Variants in GNAI3 observed in about 807,000 individuals in gnomAD.
The protein encoded by GNAI3 is G protein subunit alpha i3.
A neutral mutation model predicts 41.8 loss-of-function variants in GNAI3; 12 were observed. The ratio of observed to expected loss-of-function variants is 0.29; its 90% CI spans 0.18 to 0.47. GNAI3 has a LOEUF of 0.47. Among genes scored for constraint, GNAI3 ranks in the 20% least tolerant of loss-of-function variants. The probability of loss-of-function intolerance (pLI) is 1.00; values close to 1 mark genes in which losing one functional copy is unlikely to be tolerated. For missense variants in GNAI3, 360 were observed against 429.6 expected (o/e 0.84, Z 1.43); for synonymous variants, 132 against 146.5 (o/e 0.90, Z 0.71).
At chr1:109,558,904 C>T (rs1245720339) in intron 1 of GNAI3, among the ~76,000 whole-genome samples, 2 of 151,968 alleles carry the variant, frequency 1.3e-5, no homozygotes, top group South Asian at 2.1e-4. Context: ...GTCGGCCAGG[C>T]GCAGTATCTC....
In GNAI3 at chr1:109,586,648, A is replaced by G. The variant is rs1178121586; in HGVS notation, c.721-81A>G. On this transcript the variant is annotated intron_variant, in intron 6 of 8. Coordinates refer to ENST00000369851, the MANE Select transcript of GNAI3 (RefSeq NM_006496.4). ...CGTGAATGCCATTTAGTGCTGCAAA[A>G]CTTGTTGGTTTGTCTTTTTCATTAA... The G allele has an allele frequency of 3.9e-6, 4 of 1,025,890 alleles. No homozygotes were observed. The South Asian group carries it at 4.7e-5, about 12-fold the overall frequency. 63.5% of individuals were successfully genotyped at this position (1,025,890 alleles called of 1,614,324 possible).
At chr1:109,574,112 A>G in intron 3 of GNAI3, 75 bp downstream of exon 3, 1 of 1,065,188 alleles carries the variant, frequency 9.4e-7, no homozygotes, top group Non-Finnish European at 1.4e-6. Flanking sequence ...TTTTTGCTTC[A>G]TGTTTTAGGG....
intron 7 of GNAI3, among the ~76,000 whole-genome samples, chr1:109,589,041 T>C (rs1175457681): frequency 1.3e-5 from 2 of 152,188 alleles, no homozygotes; most frequent in Non-Finnish European, 2.9e-5. Context: ...TAATTATTCA[T>C]AGAACGTTGA....
At chr1:109,582,029 C>G (rs1338090238) in intron 4 of GNAI3, among the ~76,000 whole-genome samples, 1 of 152,106 alleles carries the variant, frequency 6.6e-6, no homozygotes, top group Non-Finnish European at 1.5e-5. Flanking sequence ...GGGTCTCACT[C>G]TGTCACTCAG....
rs901759563 is a variant in GNAI3 at position 109,579,261 on chromosome 1, C to G, written c.361C>G (p.Pro121Ala). Residue 121 changes from proline to alanine, a missense_variant, in exon 4 of 9, where the codon CCA becomes GCA. Physicochemically the swap from Pro to Ala is conservative, Grantham distance 27. Coordinates refer to ENST00000369851, the MANE Select transcript of GNAI3 (RefSeq NM_006496.4). ...AGSAEEGVMT[P>A]ELAGVIKRLW... is the part of the protein sequence containing the mutation. Reference sequence around the variant, plus strand: ...CAGTGCTGAAGAAGGAGTCATGACTCCAGAACTAGCAGGAGTGATTAAACG... The same window carrying G: ...CAGTGCTGAAGAAGGAGTCATGACTGCAGAACTAGCAGGAGTGATTAAACG... 4.3e-6 allele frequency: 7 copies of G among 1,613,070 alleles called. No homozygotes were observed. In the African/African-American group the frequency reaches 8.0e-5, roughly 18 times the overall value.
rs1284017256 is a variant in GNAI3 at position 109,599,405 on chromosome 1, CCTT to C, written c.*7087_*7089del. The C allele has an allele frequency of 6.6e-6, 1 of 152,484 alleles. No homozygotes were observed. The highest frequency in any genetic ancestry group is 1.5e-5 in the Non-Finnish European group (1 of 68,268). 9.4% of individuals were successfully genotyped at this position (152,484 alleles called of 1,614,324 possible). ...TTAAACAGTAACTCCCCATGCCCCA[CCTT>C]CTTTCAGCCCCTGGTAACCAGCATT... On this transcript the variant is annotated 3_prime_UTR_variant, in exon 9 of 9. Coordinates refer to ENST00000369851, the MANE Select transcript of GNAI3 (RefSeq NM_006496.4).
At chr1:109,554,785 G>A (rs1557901749) in intron 1 of GNAI3, among the ~76,000 whole-genome samples, 4 of 152,082 alleles carry the variant, frequency 2.6e-5, no homozygotes, top group Admixed American at 1.3e-4. Flanking sequence ...CTTTGCCTAA[G>A]CCAATGGCTA....
chr1:109,568,066 G>C (rs1029462260), intron 1 of GNAI3, among the ~76,000 whole-genome samples: 2 of 151,214 alleles, frequency 1.3e-5, no homozygotes, highest in African/African-American at 2.4e-5. Flanking sequence ...ATGTGATAAT[G>C]GTTTATTTGT....
At chr1:109,555,652 C>T (rs185028658) in intron 1 of GNAI3, among the ~76,000 whole-genome samples, 4 of 152,106 alleles carry the variant, frequency 2.6e-5, no homozygotes, top group South Asian at 2.1e-4. Context: ...GCTGCTACTA[C>T]GTTTCTTTAA....
intron 1 of GNAI3, among the ~76,000 whole-genome samples, chr1:109,550,629 G>A (rs1647959799): frequency 6.6e-6 from 1 of 152,094 alleles, no homozygotes; most frequent in Non-Finnish European, 1.5e-5. Context: ...CACCTCTCGG[G>A]TTCACGCCAT....
Position 109,599,579 on chromosome 1 carries a change from T to G in GNAI3, c.*7257T>G, listed in dbSNP as rs1054788963. The G allele has an allele frequency of 1.6e-4, 24 of 152,366 alleles. No individual in the cohort carries two copies. The highest frequency in any genetic ancestry group is 2.9e-4 in the Non-Finnish European group (20 of 68,044). 9.4% of individuals were successfully genotyped at this position (152,366 alleles called of 1,614,324 possible). On this transcript the variant is annotated 3_prime_UTR_variant, in exon 9 of 9. Coordinates refer to ENST00000369851, the MANE Select transcript of GNAI3 (RefSeq NM_006496.4). Reference sequence around the variant, plus strand: ...TGTGAAATGTAACGTAATTTACATTTGATTTACTGTTAGTAATGTCTCTTT... The same window carrying G: ...TGTGAAATGTAACGTAATTTACATTGGATTTACTGTTAGTAATGTCTCTTT...
rs1426947479 is a variant in GNAI3, at chr1:109,595,146, T to A, written c.*2824T>A. Reference sequence around the variant, plus strand: ...TTTCCTCTGAAGAATGCTGGAGATTTGTGATGGATAATGTTTCAGAATTCA... The same window carrying A: ...TTTCCTCTGAAGAATGCTGGAGATTAGTGATGGATAATGTTTCAGAATTCA... On this transcript the variant is annotated 3_prime_UTR_variant, in exon 9 of 9. Transcript: ENST00000369851. 1 of 152,330 alleles carries A rather than the reference T, an allele frequency of 6.6e-6. No individual in the cohort carries two copies. The highest frequency in any genetic ancestry group is 1.9e-4 in the East Asian group (1 of 5,196). The allele number at this position is 152,330 out of a possible 1,614,324, so 9.4% of individuals were successfully genotyped here.
intron 3 of GNAI3, among the ~76,000 whole-genome samples, chr1:109,576,067 TTTTG>T (rs1024386245): frequency 1.6e-4 from 24 of 152,240 alleles, no homozygotes; most frequent in African/African-American, 5.3e-4. Context: ...CTTCTAGTAT[TTTTG>T]TTTGTTTGTT....
chr1:109,586,248 G>A lies in GNAI3; in HGVS notation c.623G>A (p.Arg208Gln). ...GATGTAGGTGGCCAAAGATCAGAACGAAAAAAGTGGATTCACTGTTTTGAG... is the reference window on the plus strand; with the variant it reads ...GATGTAGGTGGCCAAAGATCAGAACAAAAAAAGTGGATTCACTGTTTTGAG... ...MFDVGGQRSERKKWIHCFEGV... is the reference protein window; with the variant it reads ...MFDVGGQRSEQKKWIHCFEGV... Residue 208 changes from arginine (R) to glutamine (Q), a missense_variant, in exon 6 of 9, where the codon CGA (arginine) becomes CAA (glutamine). Arg to Gln is a conservative substitution (Grantham distance 43). Transcript: ENST00000369851. The A allele has an allele frequency of 6.2e-7, 1 of 1,613,354 alleles. No homozygotes were observed. The highest frequency in any genetic ancestry group is 8.5e-7 in the Non-Finnish European group (1 of 1,179,514).
chr1:109,592,400 T>C lies in GNAI3; in HGVS notation c.*78T>C. 3 of 511,156 alleles carry C rather than the reference T, an allele frequency of 5.9e-6. No homozygotes were observed. In the East Asian group the frequency reaches 8.6e-5, roughly 15 times the overall value. The allele number at this position is 511,156 out of a possible 1,614,324, so 31.7% of individuals were successfully genotyped here. Reference sequence around the variant, plus strand: ...ACCTTTTGCTGTCTCATGGGGCAGCTACAAGCATGAACGGGACCAGGGAAT... The same window carrying C: ...ACCTTTTGCTGTCTCATGGGGCAGCCACAAGCATGAACGGGACCAGGGAAT... On this transcript the variant is annotated 3_prime_UTR_variant, in exon 9 of 9. Coordinates refer to ENST00000369851, the MANE Select transcript of GNAI3 (RefSeq NM_006496.4).
intron 1 of GNAI3, among the ~76,000 whole-genome samples, chr1:109,554,257 T>G (rs1057241376): frequency 7.9e-5 from 12 of 152,304 alleles, no homozygotes; most frequent in Middle Eastern, 3.4e-3. Flanking sequence ...GGAGTGAGAT[T>G]GGTGCATCAA....
chr1:109,554,388 A>G (rs530675706), intron 1 of GNAI3, among the ~76,000 whole-genome samples: 25 of 151,824 alleles, frequency 1.6e-4, no homozygotes, highest in African/African-American at 5.3e-4. Context: ...CCACACCAAC[A>G]TCTATTTTTT....
chr1:109,583,187 C>T (rs752843976), intron 5 of GNAI3, among the ~76,000 whole-genome samples: 2 of 151,896 alleles, frequency 1.3e-5, no homozygotes, highest in African/African-American at 2.4e-5. Context: ...GACATATAAA[C>T]AGTGATTTTT....
At chr1:109,586,959 C>CT in intron 7 of GNAI3, 77 bp downstream of exon 7, 5 of 953,988 alleles carry the variant, frequency 5.2e-6, no homozygotes, top group East Asian at 2.6e-5. Flanking sequence ...CATAAAACTG[C>CT]CTTTTTTTTT....
Sources: gnomAD v4.1 joint callset for allele counts (sites outside exome capture counted in the v4.1 genomes callset) on GRCh38, gnomAD v4.1.1 for gene constraint, MANE v1.5 for transcripts, NCBI Gene and HGNC (gene_info 2026-07-23, HGNC 2026-07-21) for gene names.